IQANK1: variants seen among roughly 807,000 people sequenced by gnomAD.
IQANK1 encodes IQ motif and ankyrin repeat containing 1.
In IQANK1, 30 loss-of-function variants were observed where a neutral mutation model predicts 22.6. The observed-to-expected ratio is 1.33, with a 90% CI of 0.99 to 1.80. The LOEUF (loss-of-function observed/expected upper bound fraction) is 1.80, where lower values mean the gene tolerates loss of function less well. Among genes scored for constraint, IQANK1 ranks in the 40% most tolerant of loss-of-function variants. The pLI is 0.00. For synonymous variants in IQANK1, 122 were observed against 99.6 expected, an observed-to-expected ratio of 1.23 and a Z score of -1.34; for missense variants, 275 against 235.2, an observed-to-expected ratio of 1.17 and a Z score of -1.11.
intron 7 of IQANK1, among the ~76,000 whole-genome samples, chr8:143,780,118 C>T (rs1244105491): frequency 1.3e-5 from 2 of 152,044 alleles, no homozygotes; most frequent in African/African-American, 4.8e-5. Context: ...ATCGCCAGAA[C>T]ACCACACCTC....
chr8:143,743,637 G>C (rs1254314694), intron 3 of IQANK1, among the ~76,000 whole-genome samples: 1 of 152,172 alleles, frequency 6.6e-6, no homozygotes, highest in Non-Finnish European at 1.5e-5. Context: ...TCCTTAAGCT[G>C]AACTTCCGTA....
chr8:143,738,534 T>TAACG (rs1818805438), intron 2 of IQANK1, among the ~76,000 whole-genome samples: 1 of 152,124 alleles, frequency 6.6e-6, no homozygotes, highest in Admixed American at 6.5e-5. Context: ...AGAGGCTGAC[T>TAACG]AACGCGCTGA....
intron 3 of IQANK1, chr8:143,742,897 C>T: frequency 2.2e-6 from 1 of 456,132 alleles, no homozygotes; most frequent in Non-Finnish European, 4.4e-6. Context: ...GTCTTTCTTG[C>T]TGGACGGAGG....
intron 3 of IQANK1, among the ~76,000 whole-genome samples, chr8:143,768,178 C>T (rs1003478294): frequency 6.6e-6 from 1 of 151,664 alleles, no homozygotes; most frequent in Non-Finnish European, 1.5e-5. Context: ...CCACTGTGTC[C>T]GGCTGAGGCT....
At chr8:143,777,571 C>T (rs1434748069) in intron 7 of IQANK1, among the ~76,000 whole-genome samples, 4 of 148,338 alleles carry the variant, frequency 2.7e-5, no homozygotes, top group African/African-American at 7.4e-5. Flanking sequence ...CAAAATATAC[C>T]GGAAAGGCTG....
At chr8:143,778,207 A>G (rs1819728601) in intron 7 of IQANK1, among the ~76,000 whole-genome samples, 2 of 152,126 alleles carry the variant, frequency 1.3e-5, no homozygotes, top group Admixed American at 1.3e-4. Flanking sequence ...AACAAAAAAA[A>G]AAAAGATGGA....
At chr8:143,763,135 C>T (rs782172757) in intron 3 of IQANK1, among the ~76,000 whole-genome samples, 60 of 152,200 alleles carry the variant, frequency 3.9e-4, no homozygotes, top group Non-Finnish European at 4.4e-4. Context: ...CCTGCCTCAG[C>T]CCCCTGAGTA....
chr8:143,771,719 C>T lies in IQANK1; in HGVS notation c.307-82C>T. ...TGGGGGTGAGGCTCAGATCGGGCTCCGACCTCAGAGGCGTGGACCGTGGCC... is the reference window on the plus strand; with the variant it reads ...TGGGGGTGAGGCTCAGATCGGGCTCTGACCTCAGAGGCGTGGACCGTGGCC... On this transcript the variant is annotated intron_variant, in intron 4 of 13. Coordinates refer to ENST00000527139, the MANE Select transcript of IQANK1 (RefSeq NM_001381874.1). This position sits in a 1 kb window ranked among gnomAD's most constrained non-coding sequence, Gnocchi z 6.0. 2.5e-6 allele frequency: 1 copy of T among 397,328 alleles called. No homozygotes were observed. Among genetic ancestry groups the T allele is most frequent in the Non-Finnish European group, 4.4e-6 (1 of 225,422 alleles). The allele number at this position is 397,328 out of a possible 1,614,324, so 24.6% of individuals were successfully genotyped here.
intron 3 of IQANK1, among the ~76,000 whole-genome samples, chr8:143,753,314 T>C (rs1265526910): frequency 3.3e-5 from 5 of 152,004 alleles, no homozygotes; most frequent in African/African-American, 1.2e-4. Flanking sequence ...GCACCTGGCC[T>C]TTTTGTTAAT....
chr8:143,767,549 G>C (rs1382180501), intron 3 of IQANK1, among the ~76,000 whole-genome samples: 1 of 152,126 alleles, frequency 6.6e-6, no homozygotes, highest in Non-Finnish European at 1.5e-5. Context: ...CATAGAGACA[G>C]TACAAGGAAC....
intron 7 of IQANK1, among the ~76,000 whole-genome samples, chr8:143,784,709 A>C (rs148521682): frequency 2.3e-3 from 351 of 152,226 alleles, no homozygotes; most frequent in African/African-American, 8.2e-3. Context: ...ATTGCTGGTC[A>C]GTATACCAGA....
intron 3 of IQANK1, among the ~76,000 whole-genome samples, chr8:143,748,705 TATAA>T (rs1819092975): frequency 8.6e-6 from 1 of 115,872 alleles, no homozygotes; most frequent in Non-Finnish European, 1.6e-5. Context: ...TATATAAATA[TATAA>T]ATATATATCA....
At chr8:143,787,977 T>C (rs1256020558) in intron 7 of IQANK1, among the ~76,000 whole-genome samples, 3 of 152,132 alleles carry the variant, frequency 2.0e-5, no homozygotes, top group Non-Finnish European at 4.4e-5. Flanking sequence ...CTCCCAGGCC[T>C]CTGCTCTCCA....
chr8:143,734,541 A>C (rs1206783952), intron 1 of IQANK1, among the ~76,000 whole-genome samples: 1 of 149,992 alleles, frequency 6.7e-6, no homozygotes, highest in Non-Finnish European at 1.5e-5. Context: ...ACCCCCAAGC[A>C]CAGGAGACTC....
chr8:143,751,664 G>GTGTGTGTATA lies in IQANK1; in HGVS notation c.175+11717_175+11718insGTGTGTATAT, dbSNP rs370428606. ...TGTGTGTGTGTGTGTGTGTGTGTGTGTATATATATATATAAAATCCTATAC... is the reference window on the plus strand; with the variant it reads ...TGTGTGTGTGTGTGTGTGTGTGTGTGTGTGTGTATATATATATATATATAAAATCCTATAC... On this transcript the variant is annotated intron_variant, in intron 3 of 13. Transcript: ENST00000527139. Among the ~76,000 whole-genome samples, 40 of 61,546 alleles carry GTGTGTGTATA rather than the reference G, an allele frequency of 6.5e-4. 2 individuals carry two copies. Among genetic ancestry groups the GTGTGTGTATA allele is most frequent in the East Asian group, 4.5e-3 (12 of 2,646 alleles). 40.4% of individuals were successfully genotyped at this position (61,546 alleles called of 152,430 possible).
Position 143,790,594 on chromosome 8 carries a change from G to A in IQANK1, c.1669G>A (p.Gly557Ser), listed in dbSNP as rs1389908726. 5 of 398,758 alleles carry A rather than the reference G, an allele frequency of 1.3e-5. No individual in the cohort carries two copies. The Admixed American group carries it at 1.8e-4, about 14-fold the overall frequency. The allele number at this position is 398,758 out of a possible 1,614,324, so 24.7% of individuals were successfully genotyped here. A position where few individuals can be genotyped will look rare whatever the true frequency, so the allele number is the denominator to read the frequency against. The change falls in exon 14 of 14, where the codon GGC becomes AGC. Residue 557 changes from glycine (G) to serine (S), a missense_variant. Transcript: ENST00000527139. ...GCTCCCAGTGCGCGTGCAGCTGCCAGGCACAGGCCTCTAGTGCTGGCCCCA... is the reference window on the plus strand; with the variant it reads ...GCTCCCAGTGCGCGTGCAGCTGCCAAGCACAGGCCTCTAGTGCTGGCCCCA... ...VLLPVRVQLPGTGL is the reference protein window; with the variant it reads ...VLLPVRVQLPSTGL
chr8:143,748,844 TATAA>T (rs1303950793), intron 3 of IQANK1, among the ~76,000 whole-genome samples: 2 of 110,046 alleles, frequency 1.8e-5, no homozygotes, highest in African/African-American at 9.2e-5. Flanking sequence ...TATATAAATA[TATAA>T]ATATATATAT....
Position 143,748,684 on chromosome 8 carries a change from C to CATATATATCATATATAAATATATAA in IQANK1, c.175+8753_175+8777dup, listed in dbSNP as rs1563770302. 1.9e-4 allele frequency among the ~76,000 whole-genome samples: 16 copies of CATATATATCATATATAAATATATAA among 86,092 alleles called. 1 individual carries two copies. The highest frequency in any genetic ancestry group is 6.4e-4 in the African/African-American group (5 of 7,766). The allele number at this position is 86,092 out of a possible 152,430, so 56.5% of individuals were successfully genotyped here. A position where few individuals can be genotyped will look rare whatever the true frequency, so the allele number is the denominator to read the frequency against. ...CATATATAAATATATAAATATATAT[C>CATATATATCATATATAAATATATAA]ATATATATCATATATAAATATATAA... On this transcript the variant is annotated intron_variant, in intron 3 of 13. Coordinates refer to ENST00000527139, the MANE Select transcript of IQANK1 (RefSeq NM_001381874.1).
intron 3 of IQANK1, chr8:143,742,242 A>G (rs974997670): frequency 2.1e-5 from 8 of 389,096 alleles, no homozygotes; most frequent in Non-Finnish European, 4.2e-5. Context: ...GTCCGGAGTC[A>G]GTGATACACA....
Sources: gnomAD v4.1 joint callset for allele counts (sites outside exome capture counted in the v4.1 genomes callset) on GRCh38, gnomAD v4.1.1 for gene constraint, Gnocchi (gnomAD v3.1) non-coding constraint, MANE v1.5 for transcripts, NCBI Gene and HGNC (gene_info 2026-07-23, HGNC 2026-07-21) for gene names.